Variants in PCDHA2 observed in about 807,000 individuals in gnomAD.
PCDHA2 encodes the protein protocadherin alpha-2.
PCDHA2 carries 58 observed loss-of-function variants against 66.0 expected under a neutral mutation model. That is an observed-to-expected ratio of 0.88 (90% CI 0.71 to 1.09). The LOEUF is 1.09. Ranked by LOEUF, PCDHA2 falls within the 50% of genes least tolerant of loss-of-function variation. The pLI is 0.00. For missense variants in PCDHA2, 1,267 were observed against 1,242.3 expected, an observed-to-expected ratio of 1.02 and a Z score of -0.30; for synonymous variants, 634 against 554.0, an observed-to-expected ratio of 1.14 and a Z score of -2.03.
intron 1 of PCDHA2, chr5:140,851,364 T>A (rs1293968731): frequency 6.1e-6 from 6 of 975,758 alleles, no homozygotes; most frequent in African/African-American, 1.8e-5. Flanking sequence ...ACTGTGAACA[T>A]CTGATTGTTC....
rs114635096 is a variant in PCDHA2 at position 140,845,857 on chromosome 5, A to G, written c.2388+48505A>G. Among the ~76,000 whole-genome samples the G allele has an allele frequency of 6.1e-4, 91 of 149,958 alleles. 1 individual carries two copies. The highest frequency in any genetic ancestry group is 2.1e-3 in the African/African-American group (88 of 41,030). Reference sequence around the variant, plus strand: ...ATTCTTAAGAGAAAAGAAGTTAGTGATTGCAGAAAGGCAACCTAAAATGTC... The same window carrying G: ...ATTCTTAAGAGAAAAGAAGTTAGTGGTTGCAGAAAGGCAACCTAAAATGTC... On this transcript the variant is annotated intron_variant, in intron 1 of 3. Coordinates refer to ENST00000526136, the MANE Select transcript of PCDHA2 (RefSeq NM_018905.3).
intron 1 of PCDHA2, among the ~76,000 whole-genome samples, chr5:140,831,520 C>CTTTTTTTT (rs35178185): frequency 4.1e-5 from 5 of 122,414 alleles, no homozygotes; most frequent in Non-Finnish European, 6.6e-5. Context: ...TGCCCCCCAC[C>CTTTTTTTT]TTTTTTTTTT....
chr5:140,797,230 C>T lies in PCDHA2; in HGVS notation c.2266C>T (p.Gln756Ter). 1 of 1,614,176 alleles carries T rather than the reference C, an allele frequency of 6.2e-7. No homozygotes were observed. Reference sequence around the variant, plus strand: ...CTGGTCTTACTCGCAGCAGAGGCGGCAGAGGGTGTGCTCTGGGGAGGACCC... The same window carrying T: ...CTGGTCTTACTCGCAGCAGAGGCGGTAGAGGGTGTGCTCTGGGGAGGACCC... ...GSWSYSQQRR[Q>*]RVCSGEDPPK... The change falls in exon 1 of 4, where the codon CAG becomes TAG. Residue 756 changes from glutamine to a stop codon, truncating the protein, a stop_gained. Coordinates refer to ENST00000526136, the MANE Select transcript of PCDHA2 (RefSeq NM_018905.3). LOFTEE classifies it high-confidence loss of function.
intron 1 of PCDHA2, chr5:140,809,760 T>C: frequency 1.6e-6 from 1 of 608,668 alleles, no homozygotes; most frequent in Non-Finnish European, 2.8e-6. Flanking sequence ...CTTCATTTTA[T>C]GCTGCATTAT....
At chr5:140,802,174 G>A (rs148196865) in intron 1 of PCDHA2, 4 of 1,614,192 alleles carry the variant, frequency 2.5e-6, no homozygotes, top group Non-Finnish European at 3.4e-6. Context: ...ACGGATAAAG[G>A]AAATCCCCCA....
At position 140,852,979 on chromosome 5, in the gene PCDHA2, C is replaced by T. The variant is rs1163126310; in HGVS notation, c.2388+55627C>T. ...CTCCAAGCTCCCCCTCCCGTGTTCA[C>T]GCCATTCTCCTGCCTCAGCCTCCCG... On this transcript the variant is annotated intron_variant, in intron 1 of 3. Transcript: ENST00000526136. 7 of 345,732 alleles carry T rather than the reference C, an allele frequency of 2.0e-5. No individual in the cohort carries two copies. In the East Asian group the frequency reaches 5.0e-4, roughly 24 times the overall value. 21.4% of individuals were successfully genotyped at this position (345,732 alleles called of 1,614,324 possible).
intron 1 of PCDHA2, 99 bp from the exon 2 acceptor site, chr5:140,978,850 G>T: frequency 6.3e-7 from 1 of 1,577,084 alleles, no homozygotes; most frequent in Non-Finnish European, 8.6e-7. Flanking sequence ...TTTTTTAGAT[G>T]CCTGGAAATA....
At chr5:140,901,297 T>C (rs1224181769) in intron 1 of PCDHA2, among the ~76,000 whole-genome samples, 1 of 152,234 alleles carries the variant, frequency 6.6e-6, no homozygotes, top group Non-Finnish European at 1.5e-5. Context: ...CAGACTGATG[T>C]TCCGGAGAGT....
Position 140,870,991 on chromosome 5 carries a change from A to G in PCDHA2, c.2388+73639A>G, listed in dbSNP as rs782466247. On this transcript the variant is annotated intron_variant, in intron 1 of 3. Coordinates refer to ENST00000526136, the MANE Select transcript of PCDHA2 (RefSeq NM_018905.3). ...CCGCGTGGGGCTGTACACGGGCGAGATAAGCACAACGCGTGCCCTGGACGA... is the reference window on the plus strand; with the variant it reads ...CCGCGTGGGGCTGTACACGGGCGAGGTAAGCACAACGCGTGCCCTGGACGA... 10 of 1,613,364 alleles carry G rather than the reference A, an allele frequency of 6.2e-6. No individual in the cohort carries two copies. The East Asian group carries it at 1.1e-4, about 18-fold the overall frequency.
intron 1 of PCDHA2, among the ~76,000 whole-genome samples, chr5:140,920,012 G>A (rs531392984): frequency 2.6e-5 from 4 of 152,314 alleles, no homozygotes; most frequent in East Asian, 1.9e-4. Context: ...AAGGCCATGC[G>A]AAGATGGAGA....
At chr5:140,827,850 A>C in intron 1 of PCDHA2, 4 of 489,030 alleles carry the variant, frequency 8.2e-6, no homozygotes, top group Non-Finnish European at 1.4e-5. Context: ...ATACTGTTTT[A>C]AAAATATATG....
At chr5:140,936,311 T>C (rs1451314089) in intron 1 of PCDHA2, among the ~76,000 whole-genome samples, 1 of 152,228 alleles carries the variant, frequency 6.6e-6, no homozygotes, top group African/African-American at 2.4e-5. Flanking sequence ...AATAGAACTT[T>C]CTGACATGCT....
chr5:140,836,538 A>G, intron 1 of PCDHA2: 1 of 1,613,734 alleles, frequency 6.2e-7, no homozygotes, highest in Non-Finnish European at 8.5e-7. Flanking sequence ...GCTGCTGTAC[A>G]CGGCGTTGCG....
At chr5:140,842,163 T>G (rs1777744239) in intron 1 of PCDHA2, 1 of 1,613,748 alleles carries the variant, frequency 6.2e-7, no homozygotes, top group African/African-American at 1.3e-5. Context: ...TCATATTCTT[T>G]TAATAGCCTT....
intron 1 of PCDHA2, among the ~76,000 whole-genome samples, chr5:140,871,818 A>G (rs2053326422): frequency 6.6e-6 from 1 of 152,250 alleles, no homozygotes; most frequent in South Asian, 2.1e-4. Flanking sequence ...TAAAGTACCC[A>G]TGCCCCTTCA....
At chr5:140,841,420 C>T in intron 1 of PCDHA2, 2 of 1,613,022 alleles carry the variant, frequency 1.2e-6, no homozygotes, top group African/African-American at 1.3e-5. Context: ...AGCTCCACTA[C>T]TCCGTCCCCG....
intron 1 of PCDHA2, among the ~76,000 whole-genome samples, chr5:140,886,040 C>T (rs533442744): frequency 9.2e-5 from 14 of 152,118 alleles, no homozygotes; most frequent in Non-Finnish European, 1.9e-4. Context: ...AAGTTTTCCC[C>T]AATAGTAACA....
At chr5:140,988,805 C>T (rs782160959) in intron 3 of PCDHA2, 8 of 152,232 alleles carry the variant, frequency 5.3e-5, no homozygotes, top group African/African-American at 1.4e-4. Context: ...GAATTTCTTC[C>T]GTAACAGTAG....
chr5:140,955,956 G>C (rs2095241724), intron 1 of PCDHA2, among the ~76,000 whole-genome samples: 1 of 152,050 alleles, frequency 6.6e-6, no homozygotes, highest in Admixed American at 6.6e-5. Flanking sequence ...CTTGCTTGTT[G>C]TTTGTGCATA....
Sources: allele counts gnomAD v4.1 joint callset (sites outside exome capture counted in the v4.1 genomes callset), GRCh38; gene constraint gnomAD v4.1.1; transcripts MANE v1.5; gene names NCBI Gene and HGNC (gene_info 2026-07-23, HGNC 2026-07-21).